Variants in FGF12 observed in about 807,000 individuals in gnomAD.
FGF12 encodes the protein fibroblast growth factor 12B.
In FGF12, 14 loss-of-function variants were observed where a neutral mutation model predicts 23.6. That is an observed-to-expected ratio of 0.59 (90% CI 0.39 to 0.93). The LOEUF (loss-of-function observed/expected upper bound fraction) is 0.93, where lower values mean the gene tolerates loss of function less well. Among genes scored for constraint, FGF12 ranks in the 40% least tolerant of loss-of-function variants. The pLI, the probability that FGF12 is intolerant of heterozygous loss-of-function variation, is 0.00. For missense variants in FGF12, 175 were observed against 217.8 expected, an observed-to-expected ratio of 0.80 and a Z score of 1.24; for synonymous variants, 62 against 77.3, an observed-to-expected ratio of 0.80 and a Z score of 1.04.
intron 4 of FGF12, among the ~76,000 whole-genome samples, chr3:192,317,580 A>G (rs1163865907): frequency 7.2e-6 from 1 of 139,724 alleles, no homozygotes; most frequent in South Asian, 2.1e-4. Flanking sequence ...ATAGAACACC[A>G]GCAAGATTCA....
At chr3:192,410,113 C>T (rs1721147264) in intron 2 of FGF12, among the ~76,000 whole-genome samples, 1 of 152,020 alleles carries the variant, frequency 6.6e-6, no homozygotes, top group African/African-American at 2.4e-5. Context: ...GAGTTCCTCC[C>T]GCACGGCCCG....
At chr3:192,318,267 G>A (rs1412003430) in intron 4 of FGF12, among the ~76,000 whole-genome samples, 4 of 152,076 alleles carry the variant, frequency 2.6e-5, no homozygotes, top group Non-Finnish European at 4.4e-5. Context: ...AGACCCCAGG[G>A]ACCAATCCCA....
At chr3:192,503,906 G>A (rs898577321) in intron 2 of FGF12, among the ~76,000 whole-genome samples, 1 of 152,052 alleles carries the variant, frequency 6.6e-6, no homozygotes, top group Admixed American at 6.5e-5. Context: ...GTTCATTGCA[G>A]CACCGTTCAC....
At chr3:192,171,524 T>G (rs1020864461) in intron 4 of FGF12, among the ~76,000 whole-genome samples, 1 of 152,202 alleles carries the variant, frequency 6.6e-6, no homozygotes, top group Non-Finnish European at 1.5e-5. Flanking sequence ...TATAATGAGA[T>G]TTAAAAATCA....
chr3:192,436,287 G>A (rs866718918), intron 2 of FGF12, among the ~76,000 whole-genome samples: 5 of 152,190 alleles, frequency 3.3e-5, no homozygotes, highest in Admixed American at 2.0e-4. Context: ...CTTCCTTTGC[G>A]CCTAGCTTTG....
At chr3:192,655,840 G>A (rs1482649586) in intron 2 of FGF12, among the ~76,000 whole-genome samples, 8 of 152,006 alleles carry the variant, frequency 5.3e-5, no homozygotes, top group Middle Eastern at 3.4e-3. Flanking sequence ...TTGCAAACCC[G>A]CATAATGATG....
At chr3:192,182,195 T>C (rs1163419240) in intron 4 of FGF12, among the ~76,000 whole-genome samples, 1 of 152,124 alleles carries the variant, frequency 6.6e-6, no homozygotes, top group African/African-American at 2.4e-5. Context: ...GGTAATAGTG[T>C]TGGCTCCTGG....
At chr3:192,413,494 G>A (rs992798109) in intron 2 of FGF12, among the ~76,000 whole-genome samples, 3 of 152,278 alleles carry the variant, frequency 2.0e-5, no homozygotes, top group Non-Finnish European at 4.4e-5. Context: ...TGATAATAAC[G>A]TAAAGTATGA....
At chr3:192,477,739 A>G (rs1210974899) in intron 2 of FGF12, among the ~76,000 whole-genome samples, 3 of 152,170 alleles carry the variant, frequency 2.0e-5, no homozygotes, top group Non-Finnish European at 2.9e-5. Flanking sequence ...TTAGTAGCAG[A>G]AAATTGCATA....
At chr3:192,191,440 G>T (rs1716785203) in intron 4 of FGF12, among the ~76,000 whole-genome samples, 1 of 152,204 alleles carries the variant, frequency 6.6e-6, no homozygotes, top group Admixed American at 6.5e-5. Flanking sequence ...TAATGCAGAA[G>T]ATGCTGATAA....
chr3:192,580,815 T>G (rs1423662172), intron 2 of FGF12, among the ~76,000 whole-genome samples: 1 of 152,126 alleles, frequency 6.6e-6, no homozygotes, highest in Non-Finnish European at 1.5e-5. Context: ...GCCAGGCTGG[T>G]TTCAAACTCC....
chr3:192,223,927 C>T (rs1718599625), intron 4 of FGF12, among the ~76,000 whole-genome samples: 1 of 152,072 alleles, frequency 6.6e-6, no homozygotes, highest in African/African-American at 2.4e-5. Context: ...GGCACTTCCC[C>T]ATAGCCCATA....
At chr3:192,407,939 C>G in intron 2 of FGF12, 1 of 1,384,090 alleles carries the variant, frequency 7.2e-7, no homozygotes, top group Non-Finnish European at 9.8e-7. Context: ...AATCCTGGTT[C>G]CCTTCCACGG....
chr3:192,584,387 T>C (rs962623685), intron 2 of FGF12, among the ~76,000 whole-genome samples: 3 of 151,972 alleles, frequency 2.0e-5, no homozygotes, highest in Admixed American at 2.0e-4. Context: ...AATTTTTATC[T>C]AGTATATTAG....
intron 4 of FGF12, among the ~76,000 whole-genome samples, chr3:192,332,533 C>G (rs1350564104): frequency 2.0e-5 from 3 of 151,968 alleles, no homozygotes; most frequent in Non-Finnish European, 4.4e-5. Context: ...AATTTCAGAA[C>G]AACTCTTAAA....
At chr3:192,546,596 T>A (rs1030074812) in intron 2 of FGF12, among the ~76,000 whole-genome samples, 1 of 152,104 alleles carries the variant, frequency 6.6e-6, no homozygotes, top group African/African-American at 2.4e-5. Context: ...TCCTTCCTGA[T>A]AGAATGTAAG....
intron 4 of FGF12, among the ~76,000 whole-genome samples, chr3:192,201,302 G>A (rs930262043): frequency 6.6e-6 from 1 of 152,184 alleles, no homozygotes; most frequent in Non-Finnish European, 1.5e-5. Flanking sequence ...CATTATATGT[G>A]TGGGGGAATG....
rs75304240 is a variant in FGF12 at position 192,642,007 on chromosome 3, A to G, written c.13+85174T>C. Among the ~76,000 whole-genome samples the G allele has an allele frequency of 3.3e-4, 50 of 152,344 alleles. 1 individual carries two copies. In the East Asian group the frequency reaches 7.3e-3, roughly 22 times the overall value. On this transcript the variant is annotated intron_variant, in intron 2 of 5. Transcript: ENST00000445105. ...AATATGTTGATGTGTGTCTGCAAAC[A>G]GCGTATCTTTTGTTTATAAATTAGA... is the stretch of plus-strand genomic sequence containing the variant.
At chr3:192,384,753 C>G (rs1450592034) in intron 2 of FGF12, among the ~76,000 whole-genome samples, 1 of 152,200 alleles carries the variant, frequency 6.6e-6, no homozygotes, top group Non-Finnish European at 1.5e-5. Context: ...CACTTTCAGG[C>G]TCCGGGGGTG....
Sources: gnomAD v4.1 joint callset for allele counts (sites outside exome capture counted in the v4.1 genomes callset) on GRCh38, gnomAD v4.1.1 for gene constraint, MANE v1.5 for transcripts, NCBI Gene and HGNC (gene_info 2026-07-23, HGNC 2026-07-21) for gene names.